The following ZNF608 variants were observed in gnomAD, a reference collection of about 807,000 sequenced individuals.
The protein encoded by ZNF608 is renal carcinoma antigen NY-REN-36.
In ZNF608, 12 loss-of-function variants were observed where a neutral mutation model predicts 109.0. The ratio of observed to expected loss-of-function variants is 0.11; its 90% confidence interval spans 0.07 to 0.18. ZNF608 has a LOEUF of 0.18. Among genes scored for constraint, ZNF608 ranks in the 10% least tolerant of loss-of-function variants. The pLI is 1.00. For synonymous variants in ZNF608, 732 were observed against 717.4 expected, an observed-to-expected ratio of 1.02 and a Z score of -0.33; for missense variants, 1,707 against 1,879.3, an observed-to-expected ratio of 0.91 and a Z score of 1.70.
intron 3 of ZNF608, among the ~76,000 whole-genome samples, chr5:124,659,886 T>A (rs1273232444): frequency 6.6e-6 from 1 of 152,218 alleles, no homozygotes; most frequent in African/African-American, 2.4e-5. Context: ...AGGCTTCCTA[T>A]AAATTATGAT....
intron 3 of ZNF608, among the ~76,000 whole-genome samples, chr5:124,694,014 T>A (rs561158593): frequency 9.4e-6 from 1 of 106,052 alleles, no homozygotes; most frequent in African/African-American, 3.5e-5. Context: ...CTCGCTCTGT[T>A]GCCCAGGCTA....
chr5:124,701,263 G>A lies in ZNF608; in HGVS notation c.913C>T (p.Pro305Ser). Residue 305 changes from proline to serine, a missense_variant, in exon 3 of 10, where the codon CCC becomes TCC. Pro to Ser is a moderately conservative substitution (Grantham distance 74, BLOSUM62 -1). Transcript: ENST00000513986. The part of the protein sequence containing the change: ...IKKLKTEKVD[P>S]LFTVPAPPPP... ...GGTGGCGCTGGCACTGTAAACAGGG[G>A]GTCAACCTGAAAGACAGACAGGCTT... The A allele has an allele frequency of 1.2e-6, 2 of 1,613,948 alleles. No homozygotes were observed. Among genetic ancestry groups the A allele is most frequent in the Non-Finnish European group, 8.5e-7 (1 of 1,179,934 alleles).
At chr5:124,727,652 C>CA (rs369834437) in intron 2 of ZNF608, among the ~76,000 whole-genome samples, 55,863 of 82,446 alleles carry the variant, frequency 0.68, 17,809 homozygotes, top group African/African-American at 0.74. Flanking sequence ...AAAATCAGAC[C>CA]AAAAAAAAAA....
chr5:124,649,577 G>C (rs1399880830), intron 4 of ZNF608, 33 bp downstream of exon 4: 1 of 1,531,750 alleles, frequency 6.5e-7, no homozygotes, highest in East Asian at 2.3e-5. Flanking sequence ...AGAGAGGATG[G>C]GGAAGGAGAG....
At chr5:124,711,769 T>TGGGGCA (rs1203161969) in intron 2 of ZNF608, among the ~76,000 whole-genome samples, 2 of 151,736 alleles carry the variant, frequency 1.3e-5, no homozygotes, top group African/African-American at 4.8e-5. Context: ...ACCAAGGGGG[T>TGGGGCA]GGGGCAGGGA....
chr5:124,655,974 G>A (rs1750987220), intron 3 of ZNF608, among the ~76,000 whole-genome samples: 1 of 152,140 alleles, frequency 6.6e-6, no homozygotes, highest in East Asian at 1.9e-4. Context: ...CCTGTGCCAA[G>A]TATATATAGA....
chr5:124,678,491 G>A (rs1752054748), intron 3 of ZNF608, among the ~76,000 whole-genome samples: 1 of 152,128 alleles, frequency 6.6e-6, no homozygotes, highest in Non-Finnish European at 1.5e-5. Flanking sequence ...CTAAACAGAC[G>A]GGGGACTTAA....
chr5:124,718,624 G>C (rs891085946), intron 2 of ZNF608, among the ~76,000 whole-genome samples: 1 of 152,178 alleles, frequency 6.6e-6, no homozygotes, highest in Non-Finnish European at 1.5e-5. Flanking sequence ...ATTAATAAGA[G>C]GAGGGGCGAT....
rs1750626152 is a variant in ZNF608 at position 124,648,265 on chromosome 5, C to T, written c.2119G>A (p.Asp707Asn). The change falls in exon 5 of 10, where the codon GAC becomes AAC. Residue 707 changes from aspartate (D) to asparagine (N), a missense_variant. By Grantham distance (23) the Asp-to-Asn change is conservative. Coordinates refer to ENST00000513986, the MANE Select transcript of ZNF608 (RefSeq NM_020747.3). ...TCTTTATCTCCTAAATTTTTCTTGT[C>T]AATTAATCCTTCTGCTTCCAGTTTA... The part of the protein sequence containing the change: ...MPKLEAEGLI[D>N]KKNLGDKEKG... 2 of 1,614,024 alleles carry T rather than the reference C, an allele frequency of 1.2e-6. No individual in the cohort carries two copies. The highest frequency in any genetic ancestry group is 1.7e-6 in the Non-Finnish European group (2 of 1,180,042).
Position 124,746,419 on chromosome 5 carries a change from G to T in ZNF608, c.-408C>A. ...GTCCTTTTCTCCTTAAAAAAAATGT[G>T]TCACTGTACAGCTGGAAAATAATGT... is the stretch of plus-strand genomic sequence containing the variant. On this transcript the variant is annotated 5_prime_UTR_variant, in exon 1 of 10. Coordinates refer to ENST00000513986, the MANE Select transcript of ZNF608 (RefSeq NM_020747.3). 1 of 985,180 alleles carries T rather than the reference G, an allele frequency of 1.0e-6. No homozygotes were observed. Among genetic ancestry groups the T allele is most frequent in the Non-Finnish European group, 1.2e-6 (1 of 829,916 alleles). The allele number at this position is 985,180 out of a possible 1,614,324, so 61.0% of individuals were successfully genotyped here. A position where few individuals can be genotyped will look rare whatever the true frequency, so the allele number is the denominator to read the frequency against.
intron 2 of ZNF608, among the ~76,000 whole-genome samples, chr5:124,736,394 A>C (rs527493742): frequency 1.3e-5 from 2 of 152,362 alleles, no homozygotes; most frequent in East Asian, 3.9e-4. Flanking sequence ...CAGCCAAGGA[A>C]GTGACAGGAA....
At chr5:124,735,984 A>G (rs1001900911) in intron 2 of ZNF608, among the ~76,000 whole-genome samples, 3 of 152,280 alleles carry the variant, frequency 2.0e-5, no homozygotes, top group African/African-American at 4.8e-5. Flanking sequence ...CTCATCTTCC[A>G]CACAACTTCA....
chr5:124,701,899 G>A (rs1378180609), intron 2 of ZNF608, among the ~76,000 whole-genome samples: 1 of 152,180 alleles, frequency 6.6e-6, no homozygotes, highest in Non-Finnish European at 1.5e-5. Context: ...GGAGATAAAT[G>A]CATGTGCCCA....
In ZNF608 at chr5:124,649,013, C is replaced by T. The variant is rs150427710; in HGVS notation, c.1371G>A (p.Leu457=). 2.6e-4 allele frequency: 415 copies of T among 1,614,200 alleles called. 1 individual carries two copies. The East Asian group carries it at 7.9e-3, about 31-fold the overall frequency. The change falls in exon 5 of 10, where the codon CTG becomes CTA. Residue 457 remains leucine (L), a synonymous_variant. Coordinates refer to ENST00000513986, the MANE Select transcript of ZNF608 (RefSeq NM_020747.3). ...SEASFTESRG[L]QNKNRGGANG... ...TGGCCCCCCCTCTGTTCTTATTCTG[C>T]AGCCCTCTGGACTCTGTGAAGCTGG... is the stretch of plus-strand genomic sequence containing the variant.
intron 3 of ZNF608, among the ~76,000 whole-genome samples, chr5:124,679,719 G>T (rs910142602): frequency 6.6e-6 from 1 of 152,212 alleles, no homozygotes; most frequent in Non-Finnish European, 1.5e-5. Context: ...GACTGAATGT[G>T]CTTTGGTTAA....
intron 3 of ZNF608, among the ~76,000 whole-genome samples, chr5:124,681,916 GC>G (rs1479807696): frequency 6.6e-6 from 1 of 152,290 alleles, no homozygotes; most frequent in East Asian, 1.9e-4. Flanking sequence ...AAGCAAAGGA[GC>G]ATAATCTCCA....
chr5:124,641,241 G>T lies in ZNF608; in HGVS notation c.4450+11C>A, dbSNP rs764788886. The T allele has an allele frequency of 2.5e-6, 4 of 1,613,424 alleles. No individual in the cohort carries two copies. Among genetic ancestry groups the T allele is most frequent in the Non-Finnish European group, 3.4e-6 (4 of 1,180,016 alleles). The stretch of plus-strand genomic sequence containing the variant: ...AATGGACAAAGACACAGTAATGATA[G>T]AGCTGCTGACCTTGAAAAGGGTCAT... On this transcript the variant is annotated intron_variant, in intron 8 of 9. Coordinates refer to ENST00000513986, the MANE Select transcript of ZNF608 (RefSeq NM_020747.3).
chr5:124,744,349 T>C lies in ZNF608; in HGVS notation c.641A>G (p.Lys214Arg). The change falls in exon 2 of 10, where the codon AAG becomes AGG. Residue 214 changes from lysine (K) to arginine (R), a missense_variant. By Grantham distance (26) the Lys-to-Arg change is conservative. This residue lies in a region of ZNF608 where 407 missense variants were observed against 398.7 expected (regional missense o/e 1.02). Transcript: ENST00000513986. This position sits in a 1 kb window ranked among gnomAD's most constrained non-coding sequence, Gnocchi z 4.5. ...DKDAGKSRKD[K>R]HDLLQGHQNG... ...CTGGTGGCCCTGAAGCAGGTCGTGC[T>C]TGTCCTTCCTGGATTTCCCCGCATC... The C allele has an allele frequency of 6.2e-7, 1 of 1,614,236 alleles. No homozygotes were observed. The highest frequency in any genetic ancestry group is 8.5e-7 in the Non-Finnish European group (1 of 1,180,036).
chr5:124,652,102 G>C (rs1434134403), intron 3 of ZNF608, among the ~76,000 whole-genome samples: 1 of 152,218 alleles, frequency 6.6e-6, no homozygotes, highest in African/African-American at 2.4e-5. Context: ...AAAAGGAAGG[G>C]ACCCAGGGCA....
Sources: allele counts gnomAD v4.1 joint callset (sites outside exome capture counted in the v4.1 genomes callset), GRCh38; gene constraint gnomAD v4.1.1; regional missense constraint gnomAD v4.1.1; non-coding constraint Gnocchi (gnomAD v3.1); transcripts MANE v1.5; gene names NCBI Gene and HGNC (gene_info 2026-07-23, HGNC 2026-07-21).